The following CLSTN3 variants were observed in gnomAD, a reference collection of about 807,000 sequenced individuals.
The protein encoded by CLSTN3 is calsyntenin 3, also known as calsyntenin-3.
Under a neutral mutation model 95.9 loss-of-function variants are expected in CLSTN3, and 36 were observed. The ratio of observed to expected loss-of-function variants is 0.38; its 90% CI spans 0.29 to 0.50. The LOEUF is 0.50. Among genes scored for constraint, CLSTN3 ranks in the 20% least tolerant of loss-of-function variants. The probability of loss-of-function intolerance (pLI) is 0.95; values close to 1 mark genes in which losing one functional copy is unlikely to be tolerated. For synonymous variants in CLSTN3, 481 were observed against 504.0 expected (o/e 0.95, Z 0.61); for missense variants, 1,084 against 1,268.8 (o/e 0.85, Z 2.21).
intron 1 of CLSTN3, chr12:7,131,686 G>A (rs970181497): frequency 1.1e-5 from 5 of 441,576 alleles, no homozygotes; most frequent in South Asian, 8.0e-5. Flanking sequence ...TGCAGAGGGC[G>A]CCCAGCCCTG....
Position 7,133,238 on chromosome 12 carries a change from G to A in CLSTN3, c.187+92G>A. ...AAGGGAGGGAGGGAAGGTCCTGGGA[G>A]TGATGAGAAAGTAAGGGAAGATAAA... On this transcript the variant is annotated intron_variant, in intron 2 of 17. Coordinates refer to ENST00000266546, the MANE Select transcript of CLSTN3 (RefSeq NM_014718.4). The surrounding 1 kb of genome is among the most constrained non-coding windows in gnomAD (Gnocchi z 4.7). 1.3e-6 allele frequency: 2 copies of A among 1,511,776 alleles called. No individual in the cohort carries two copies. Among genetic ancestry groups the A allele is most frequent in the Non-Finnish European group, 1.8e-6 (2 of 1,104,922 alleles). 93.6% of individuals were successfully genotyped at this position (1,511,776 alleles called of 1,614,324 possible).
rs988687013 is a variant in CLSTN3, at chr12:7,150,412, G to C, written c.2246-132G>C. On this transcript the variant is annotated intron_variant, in intron 14 of 17. Transcript: ENST00000266546. This position sits in a 1 kb window ranked among gnomAD's most constrained non-coding sequence, Gnocchi z 4.0. ...GCATCCCTCCCTTCGACCTCAGGTC[G>C]CACTTCTGCGGAGATGGGGCTGACC... 7.7e-6 allele frequency: 8 copies of C among 1,037,804 alleles called. No homozygotes were observed. The highest frequency in any genetic ancestry group is 1.6e-5 in the African/African-American group (1 of 62,758). 64.3% of individuals were successfully genotyped at this position (1,037,804 alleles called of 1,614,324 possible). A position where few individuals can be genotyped will look rare whatever the true frequency, so the allele number is the denominator to read the frequency against.
rs1480316591 is a variant in CLSTN3 at position 7,135,830 on chromosome 12, C to A, written c.619C>A (p.Gln207Lys). Residue 207 changes from glutamine (Q) to lysine (K), a missense_variant, in exon 5 of 18, where the codon CAG becomes AAG. By Grantham distance (53) the Gln-to-Lys change is moderately conservative (BLOSUM62 1). Transcript: ENST00000266546. The stretch of plus-strand genomic sequence containing the variant: ...GAACATTGAGAACACAGAGAAGCTG[C>A]AGTACAGTGGTGAGAGGCTCTATAA... ...DGNIENTEKL[Q>K]YSGERLYKFT... 1 of 1,611,802 alleles carries A rather than the reference C, an allele frequency of 6.2e-7. No homozygotes were observed. Among genetic ancestry groups the A allele is most frequent in the East Asian group, 2.2e-5 (1 of 44,882 alleles).
In CLSTN3 at chr12:7,158,050, G is replaced by A. The variant is rs371898831; in HGVS notation, c.2840G>A (p.Arg947His). The A allele has an allele frequency of 5.9e-5, 91 of 1,545,046 alleles. No individual in the cohort carries two copies. The highest frequency in any genetic ancestry group is 6.4e-5 in the Non-Finnish European group (73 of 1,143,094). The change falls in exon 18 of 18, where the codon CGC (arginine) becomes CAC (histidine). Residue 947 changes from arginine to histidine, a missense_variant. By Grantham distance (29) the Arg-to-His change is conservative (BLOSUM62 0). Coordinates refer to ENST00000266546, the MANE Select transcript of CLSTN3 (RefSeq NM_014718.4). ...GATTCCCCCAGCAGCGACGAGAGACGCATCATCGAGACCCCCCCACACCGC... is the reference window on the plus strand; with the variant it reads ...GATTCCCCCAGCAGCGACGAGAGACACATCATCGAGACCCCCCCACACCGC... ...VADSPSSDER[R>H]IIETPPHRY
Position 7,132,876 on chromosome 12 carries a change from C to T in CLSTN3, c.65-148C>T, listed in dbSNP as rs752874638. 36 of 1,060,362 alleles carry T rather than the reference C, an allele frequency of 3.4e-5. 1 individual carries two copies. In the South Asian group the frequency reaches 4.9e-4, roughly 14 times the overall value. The allele number at this position is 1,060,362 out of a possible 1,614,324, so 65.7% of individuals were successfully genotyped here. On this transcript the variant is annotated intron_variant, in intron 1 of 17. Coordinates refer to ENST00000266546, the MANE Select transcript of CLSTN3 (RefSeq NM_014718.4). ...CCTTTAGTAGCTGATTTCTTGTCCT[C>T]AACCACCCGCCTCCTGTAAGGTGCT...
In CLSTN3 at chr12:7,137,756, A is replaced by ATC. The variant is rs1939453423; in HGVS notation, c.1211-198_1211-197insCT. On this transcript the variant is annotated intron_variant, in intron 7 of 17. Transcript: ENST00000266546. The surrounding 1 kb of genome is among the most constrained non-coding windows in gnomAD (Gnocchi z 4.4). ...AGCCCAAGTTATCACTTGGACTGGA[A>ATC]TGTGTGTGTGTGTGTGTGTGTGTGT... is the stretch of plus-strand genomic sequence containing the variant. Among the ~76,000 whole-genome samples, 2 of 76,122 alleles carry ATC rather than the reference A, an allele frequency of 2.6e-5. No individual in the cohort carries two copies. Among genetic ancestry groups the ATC allele is most frequent in the Non-Finnish European group, 4.8e-5 (2 of 42,096 alleles). 49.9% of individuals were successfully genotyped at this position (76,122 alleles called of 152,430 possible).
chr12:7,137,190 G>A lies in CLSTN3; in HGVS notation c.1210+80G>A, dbSNP rs1939444693. On this transcript the variant is annotated intron_variant, in intron 7 of 17. Coordinates refer to ENST00000266546, the MANE Select transcript of CLSTN3 (RefSeq NM_014718.4). The surrounding 1 kb of genome is among the most constrained non-coding windows in gnomAD (Gnocchi z 4.4). ...CTCTGTCACTGCCCAGTGTGTGACT[G>A]TGAACAGGTCACTTCCCCTCTCTTC... 4.9e-6 allele frequency: 7 copies of A among 1,421,870 alleles called. No individual in the cohort carries two copies. In the South Asian group the frequency reaches 5.2e-5, roughly 11 times the overall value. 88.1% of individuals were successfully genotyped at this position (1,421,870 alleles called of 1,614,324 possible).
At chr12:7,144,722 AC>A (rs1393541869) in intron 12 of CLSTN3, among the ~76,000 whole-genome samples, 5 of 152,168 alleles carry the variant, frequency 3.3e-5, no homozygotes, top group African/African-American at 1.2e-4. Context: ...ATGAAGATAA[AC>A]ATCTCAAATT....
intron 16 of CLSTN3, among the ~76,000 whole-genome samples, chr12:7,153,723 G>A (rs1420434721): frequency 6.6e-6 from 1 of 152,042 alleles, no homozygotes; most frequent in Non-Finnish European, 1.5e-5. Context: ...TGGATACTAG[G>A]TCCTGCTACT....
Position 7,157,636 on chromosome 12 carries a change from A to G in CLSTN3, c.2675A>G (p.Asp892Gly). The change falls in exon 17 of 18, where the codon GAC becomes GGC. Residue 892 changes from aspartate to glycine, a missense_variant. Coordinates refer to ENST00000266546, the MANE Select transcript of CLSTN3 (RefSeq NM_014718.4). This position sits in a 1 kb window ranked among gnomAD's most constrained non-coding sequence, Gnocchi z 5.9. ...CCAGGGGCCTCCAGTGACCCCAAGG[A>G]CCCAGACCTCTTCTGGGATGACTCA... is the stretch of plus-strand genomic sequence containing the variant. Reference protein sequence around the residue: ...GPPGASSDPKDPDLFWDDSAL... With the variant: ...GPPGASSDPKGPDLFWDDSAL... 1.2e-6 allele frequency: 2 copies of G among 1,609,016 alleles called. No individual in the cohort carries two copies. Among genetic ancestry groups the G allele is most frequent in the Non-Finnish European group, 1.7e-6 (2 of 1,177,846 alleles).
At chr12:7,129,755 TC>T (rs1287611279), upstream of CLSTN3, 23 of 985,436 alleles carry the variant, frequency 2.3e-5, no homozygotes, top group African/African-American at 3.5e-5. This position sits in a 1 kb window ranked among gnomAD's most constrained non-coding sequence, Gnocchi z 5.5. Flanking sequence ...GCTTGGTTCA[TC>T]ATGGTTTAAG....
chr12:7,138,497 T>C (rs749021604), intron 8 of CLSTN3, among the ~76,000 whole-genome samples: 2 of 152,300 alleles, frequency 1.3e-5, no homozygotes, highest in Middle Eastern at 3.4e-3. Context: ...TTGGTTAATA[T>C]GTGTAAACCT....
intron 1 of CLSTN3, chr12:7,130,922 C>A: frequency 1.6e-6 from 1 of 611,664 alleles, no homozygotes; most frequent in Non-Finnish European, 2.9e-6. Context: ...CCATCTCTAC[C>A]CATGCGTTTC....
chr12:7,129,351 AC>A (rs1471211997), upstream of CLSTN3: 2 of 174,078 alleles, frequency 1.1e-5, no homozygotes, highest in Non-Finnish European at 2.5e-5. This position sits in a 1 kb window ranked among gnomAD's most constrained non-coding sequence, Gnocchi z 5.5. Flanking sequence ...CATGAAGAGC[AC>A]CCTGTAGGCC....
At chr12:7,142,774 C>G in intron 10 of CLSTN3, 95 bp from the exon 11 acceptor site, 1 of 633,866 alleles carries the variant, frequency 1.6e-6, no homozygotes, top group Non-Finnish European at 2.3e-6. Flanking sequence ...CTCAACTCTT[C>G]TGCTCTTTCT....
At chr12:7,151,193 A>G in intron 16 of CLSTN3, 130 bp downstream of exon 16, 4 of 1,106,688 alleles carry the variant, frequency 3.6e-6, no homozygotes, top group Non-Finnish European at 4.9e-6. Flanking sequence ...TCCCTGTGGT[A>G]CCTGCCTTAG....
At chr12:7,136,046 G>A in intron 5 of CLSTN3, 93 bp downstream of exon 5, 1 of 1,520,864 alleles carries the variant, frequency 6.6e-7, no homozygotes, top group Non-Finnish European at 8.9e-7. Flanking sequence ...GCCAGGCTAG[G>A]GCTTGGATGA....
rs1939555214 is a variant in CLSTN3, at chr12:7,142,906, C to T, written c.1578C>T (p.Tyr526=). ...CGATCCACCACTACTTCCATGGCTA[C>T]CTGGCTGGTTTCAGCGTGCGCTCAG... ...PLSIHHYFHG[Y]LAGFSVRSGR... Residue 526 remains tyrosine, a synonymous_variant, in exon 11 of 18, where the codon TAC becomes TAT. Transcript: ENST00000266546. 1.2e-6 allele frequency: 2 copies of T among 1,614,218 alleles called. No individual in the cohort carries two copies. Among genetic ancestry groups the T allele is most frequent in the South Asian group, 1.1e-5 (1 of 91,090 alleles).
At position 7,158,006 on chromosome 12, in the gene CLSTN3, C is replaced by T. The variant is rs1246474132; in HGVS notation, c.2796C>T (p.Ser932=). 6.4e-7 allele frequency: 1 copy of T among 1,551,106 alleles called. No homozygotes were observed. The highest frequency in any genetic ancestry group is 8.7e-7 in the Non-Finnish European group (1 of 1,146,876). Residue 932 remains serine (S), a synonymous_variant, in exon 18 of 18, where the codon AGC becomes AGT. Transcript: ENST00000266546. The part of the protein sequence containing the change: ...AVGGQQEDED[S]SDSEVADSPS... ...GGGGCCAGCAGGAGGATGAGGACAGCAGTGACTCGGAGGTGGCCGATTCCC... is the reference window on the plus strand; with the variant it reads ...GGGGCCAGCAGGAGGATGAGGACAGTAGTGACTCGGAGGTGGCCGATTCCC...
Sources: gnomAD v4.1 joint callset for allele counts (sites outside exome capture counted in the v4.1 genomes callset) on GRCh38, gnomAD v4.1.1 for gene constraint, Gnocchi (gnomAD v3.1) non-coding constraint, MANE v1.5 for transcripts, NCBI Gene and HGNC (gene_info 2026-07-23, HGNC 2026-07-21) for gene names.